The following ACO1 variants were observed in gnomAD, a reference collection of about 807,000 sequenced individuals.
ACO1 encodes the protein cytoplasmic aconitate hydratase.
In ACO1, 78 loss-of-function variants were observed where a neutral mutation model predicts 105.1. The observed-to-expected ratio is 0.74, with a 90% CI of 0.62 to 0.90. ACO1 has a LOEUF of 0.90. Among genes scored for constraint, ACO1 ranks in the 40% least tolerant of loss-of-function variants. ACO1 has a pLI of 0.00. For missense variants in ACO1, 965 were observed against 1,111.1 expected (o/e 0.87, Z 1.87); for synonymous variants, 364 against 397.4 (o/e 0.92, Z 1.00).
chr9:32,421,518 C>G (rs1252026287), intron 8 of ACO1, among the ~76,000 whole-genome samples: 1 of 152,158 alleles, frequency 6.6e-6, no homozygotes, highest in Non-Finnish European at 1.5e-5. Context: ...CATACAGGAA[C>G]AGCACTCTGC....
At position 32,385,534 on chromosome 9, in the gene ACO1, A is replaced by G. The variant is rs574590284; in HGVS notation, c.-23+799A>G. Among the ~76,000 whole-genome samples, 4 of 152,364 alleles carry G rather than the reference A, an allele frequency of 2.6e-5. No individual in the cohort carries two copies. The South Asian group carries it at 6.2e-4, about 24-fold the overall frequency. ...ATAATTCATTTAAAAAGAATAGTGA[A>G]CTAATTATATCTTAACATTGCCTAT... On this transcript the variant is annotated intron_variant, in intron 1 of 20. Coordinates refer to ENST00000309951, the MANE Select transcript of ACO1 (RefSeq NM_002197.3).
rs150617999 is a variant in ACO1, at chr9:32,434,178, A to G, written c.1956+346A>G. ...ACCAGGGACATTGTCCCTGAAACTG[A>G]TGATCTAGAAGTTGGTGCTCTCCTG... On this transcript the variant is annotated intron_variant, in intron 16 of 20. Transcript: ENST00000309951. 2.8e-4 allele frequency among the ~76,000 whole-genome samples: 43 copies of G among 152,242 alleles called. No individual in the cohort carries two copies. The East Asian group carries it at 8.3e-3, about 30-fold the overall frequency.
chr9:32,402,213 C>G (rs1205639828), intron 1 of ACO1, among the ~76,000 whole-genome samples: 1 of 151,564 alleles, frequency 6.6e-6, no homozygotes, highest in African/African-American at 2.4e-5. Flanking sequence ...TTTTCTTCTC[C>G]TCTTTTCTCT....
chr9:32,433,845 ATTTTTT>A lies in ACO1; in HGVS notation c.1956+14_1956+19del. 6.4e-7 allele frequency: 1 copy of A among 1,551,288 alleles called. No individual in the cohort carries two copies. Among genetic ancestry groups the A allele is most frequent in the Non-Finnish European group, 8.8e-7 (1 of 1,139,676 alleles). On this transcript the variant is annotated intron_variant, in intron 16 of 20. Transcript: ENST00000309951. ...CTTTGAAAACCTGGTATGGCTTTTTATTTTTTAACAAAATGAATTCTTTGAAGGGTT... is the reference window on the plus strand; with the variant it reads ...CTTTGAAAACCTGGTATGGCTTTTTAAACAAAATGAATTCTTTGAAGGGTT...
chr9:32,433,674 A>G, intron 15 of ACO1, 54 bp from the exon 16 acceptor site: 1 of 1,388,866 alleles, frequency 7.2e-7, no homozygotes. Flanking sequence ...TTTGCATATT[A>G]AATTTTCTCT....
chr9:32,431,935 G>A, intron 15 of ACO1, 92 bp downstream of exon 15: 3 of 1,414,266 alleles, frequency 2.1e-6, no homozygotes, highest in East Asian at 2.4e-5. Context: ...GCTAACGGAA[G>A]TATAAACTAT....
At chr9:32,405,645 C>A in intron 2 of ACO1, 42 bp downstream of exon 2, 1 of 1,354,794 alleles carries the variant, frequency 7.4e-7, no homozygotes. Flanking sequence ...CTCATTTGCA[C>A]AATGATTAGG....
intron 1 of ACO1, among the ~76,000 whole-genome samples, chr9:32,400,572 A>T (rs909017763): frequency 6.6e-6 from 1 of 152,204 alleles, no homozygotes; most frequent in Non-Finnish European, 1.5e-5. Flanking sequence ...ATTTAAATAC[A>T]TCTTCACCAG....
At position 32,451,069 on chromosome 9, in the gene ACO1, T is replaced by TATAAGTACATA. The variant is rs1822757758; in HGVS notation, c.*960_*970dup. 1 of 148,802 alleles carries TATAAGTACATA rather than the reference T, an allele frequency of 6.7e-6. No homozygotes were observed. The highest frequency in any genetic ancestry group is 2.5e-5 in the African/African-American group (1 of 39,740). 9.2% of individuals were successfully genotyped at this position (148,802 alleles called of 1,614,324 possible). A position where few individuals can be genotyped will look rare whatever the true frequency, so the allele number is the denominator to read the frequency against. Reference sequence around the variant, plus strand: ...AGTAGCCTGGTGGCAGTGGCAACGATATAAGTACATAAGGAAAAGCAGATA... The same window carrying TATAAGTACATA: ...AGTAGCCTGGTGGCAGTGGCAACGATATAAGTACATAATAAGTACATAAGGAAAAGCAGATA... On this transcript the variant is annotated 3_prime_UTR_variant, in exon 21 of 21. Coordinates refer to ENST00000309951, the MANE Select transcript of ACO1 (RefSeq NM_002197.3).
chr9:32,408,789 A>G (rs1821671696), intron 4 of ACO1, 138 bp downstream of exon 4: 4 of 1,025,978 alleles, frequency 3.9e-6, no homozygotes, highest in African/African-American at 1.7e-5. Context: ...CTTCATATAC[A>G]TTTCGCAGTA....
At chr9:32,427,247 T>TG in intron 11 of ACO1, 54 bp from the exon 12 acceptor site, 1 of 1,605,626 alleles carries the variant, frequency 6.2e-7, no homozygotes, top group South Asian at 1.1e-5. Context: ...GAAGTGTGCC[T>TG]GGCACCTAGA....
At chr9:32,422,653 G>C (rs1346218725) in intron 8 of ACO1, among the ~76,000 whole-genome samples, 1 of 152,198 alleles carries the variant, frequency 6.6e-6, no homozygotes, top group Non-Finnish European at 1.5e-5. Context: ...TGGTGATGCA[G>C]CATCGTGAGT....
chr9:32,406,345 C>T (rs1821609769), intron 2 of ACO1, among the ~76,000 whole-genome samples: 4 of 152,072 alleles, frequency 2.6e-5, no homozygotes, highest in South Asian at 2.1e-4. Context: ...ACATAGGCTG[C>T]GTGTGTTGGC....
intron 1 of ACO1, among the ~76,000 whole-genome samples, chr9:32,398,940 T>C (rs1821430243): frequency 6.6e-6 from 1 of 152,130 alleles, no homozygotes; most frequent in Admixed American, 6.6e-5. Context: ...GCCAACCTAA[T>C]ATTTAAATTT....
chr9:32,394,461 AC>A (rs1473340061), intron 1 of ACO1, among the ~76,000 whole-genome samples: 1 of 152,224 alleles, frequency 6.6e-6, no homozygotes, highest in African/African-American at 2.4e-5. Flanking sequence ...ATGAATCCAC[AC>A]CAGTCCCTTC....
In ACO1 at chr9:32,419,059, AAGCTGTCATGCTGGGTC is replaced by A; in HGVS notation, c.684_700del (p.Val229AsnfsTer25). On this transcript the variant is annotated frameshift_variant, in exon 7 of 21. Transcript: ENST00000309951. LOFTEE classifies it high-confidence loss of function. ...GCAGGTGTCGGTGGTATTGAAGCAG[AAGCTGTCATGCTGGGTC>A]AGCCAATCAGTATGGTGCTTCCTCA... is the stretch of plus-strand genomic sequence containing the variant. The A allele has an allele frequency of 6.2e-7, 1 of 1,606,306 alleles. No individual in the cohort carries two copies. The highest frequency in any genetic ancestry group is 8.5e-7 in the Non-Finnish European group (1 of 1,175,946).
chr9:32,425,616 G>C (rs1243313301), intron 10 of ACO1, among the ~76,000 whole-genome samples: 1 of 152,130 alleles, frequency 6.6e-6, no homozygotes, highest in Non-Finnish European at 1.5e-5. Context: ...ACTGCTTTTT[G>C]TAAAGATTTC....
Position 32,454,716 on chromosome 9 carries a change from G to GT in ACO1, c.*4608dup, listed in dbSNP as rs1472296341. On this transcript the variant is annotated 3_prime_UTR_variant, in exon 21 of 21. Coordinates refer to ENST00000309951, the MANE Select transcript of ACO1 (RefSeq NM_002197.3). ...TACATATTAACCAAGTGCCTACTTTGTTTGAGTCCATGCCTGGCAATGACA... is the reference window on the plus strand; with the variant it reads ...TACATATTAACCAAGTGCCTACTTTGTTTTGAGTCCATGCCTGGCAATGACA... The GT allele has an allele frequency of 6.6e-6, 1 of 152,154 alleles. No individual in the cohort carries two copies. Among genetic ancestry groups the GT allele is most frequent in the Non-Finnish European group, 1.5e-5 (1 of 68,036 alleles). 9.4% of individuals were successfully genotyped at this position (152,154 alleles called of 1,614,324 possible). A position where few individuals can be genotyped will look rare whatever the true frequency, so the allele number is the denominator to read the frequency against.
chr9:32,441,207 C>T (rs191815864), intron 19 of ACO1, among the ~76,000 whole-genome samples: 204 of 152,272 alleles, frequency 1.3e-3, no homozygotes, highest in Non-Finnish European at 2.4e-3. Context: ...TAGAACCTTC[C>T]GCCATCTCGG....
Sources: allele counts gnomAD v4.1 joint callset (sites outside exome capture counted in the v4.1 genomes callset), GRCh38; gene constraint gnomAD v4.1.1; transcripts MANE v1.5; gene names NCBI Gene and HGNC (gene_info 2026-07-23, HGNC 2026-07-21).